The following PPP6R2 variants were observed in gnomAD, a reference collection of about 807,000 sequenced individuals.
PPP6R2 encodes the protein protein phosphatase 6 regulatory subunit 2, also known as serine/threonine-protein phosphatase 6 regulatory subunit 2.
Under a neutral mutation model 100.2 loss-of-function variants are expected in PPP6R2, and 62 were observed. The ratio of observed to expected loss-of-function variants is 0.62; its 90% CI spans 0.50 to 0.76. The LOEUF (loss-of-function observed/expected upper bound fraction) is 0.76, where lower values mean the gene tolerates loss of function less well. PPP6R2 is among the 30% of genes least tolerant of loss of function. The probability of loss-of-function intolerance (pLI) is 0.00; values close to 1 mark genes in which losing one functional copy is unlikely to be tolerated. For missense variants in PPP6R2, 1,142 were observed against 1,276.3 expected, an observed-to-expected ratio of 0.89 and a Z score of 1.60; for synonymous variants, 525 against 514.7, an observed-to-expected ratio of 1.02 and a Z score of -0.27.
chr22:50,424,331 G>C (rs1306198127), intron 10 of PPP6R2, among the ~76,000 whole-genome samples: 1 of 132,342 alleles, frequency 7.6e-6, no homozygotes, highest in Non-Finnish European at 1.6e-5. Context: ...CTGTCAGCGT[G>C]TGGAAGGTCT....
rs369827443 is a variant in PPP6R2, at chr22:50,426,609, C to G, written c.1125+2995C>G. On this transcript the variant is annotated intron_variant, in intron 10 of 23. Transcript: ENST00000612753. ...CAGTATTTTGGGAGGCCAAGGCAGG[C>G]AGATCACCTGAGGTCAGGAGTTTGT... is the stretch of plus-strand genomic sequence containing the variant. Among the ~76,000 whole-genome samples, 48 of 152,204 alleles carry G rather than the reference C, an allele frequency of 3.2e-4. No homozygotes were observed. In the East Asian group the frequency reaches 6.2e-3, roughly 20 times the overall value.
At chr22:50,393,145 T>C (rs1270171306) in intron 2 of PPP6R2, among the ~76,000 whole-genome samples, 1 of 152,122 alleles carries the variant, frequency 6.6e-6, no homozygotes, top group Non-Finnish European at 1.5e-5. Context: ...AGAGCTGGGA[T>C]GTTTGGGAAG....
chr22:50,437,753 C>T (rs1358736102), intron 16 of PPP6R2, 90 bp from the exon 17 acceptor site: 5 of 1,463,906 alleles, frequency 3.4e-6, no homozygotes, highest in Non-Finnish European at 4.7e-6. Context: ...GGTGCTGAGG[C>T]CCCCGATGAG....
chr22:50,436,246 C>A, intron 13 of PPP6R2, 121 bp from the exon 14 acceptor site: 1 of 830,770 alleles, frequency 1.2e-6, no homozygotes, highest in Non-Finnish European at 1.9e-6. Flanking sequence ...CTCAGACGGG[C>A]TGACCACAGT....
chr22:50,444,808 G>A lies in PPP6R2; in HGVS notation c.*561G>A, dbSNP rs569760904. 6.4e-6 allele frequency: 1 copy of A among 155,780 alleles called. No homozygotes were observed. Among genetic ancestry groups the A allele is most frequent in the Non-Finnish European group, 1.4e-5 (1 of 70,508 alleles). 9.6% of individuals were successfully genotyped at this position (155,780 alleles called of 1,614,324 possible). A position where few individuals can be genotyped will look rare whatever the true frequency, so the allele number is the denominator to read the frequency against. ...GAGCTGGCACTGAACCAGGCTGCAA[G>A]ATTTGACTGCCTTAAAAACACAAGG... On this transcript the variant is annotated 3_prime_UTR_variant, in exon 24 of 24. Transcript: ENST00000612753.
At chr22:50,365,299 G>A (rs2048536366) in intron 1 of PPP6R2, among the ~76,000 whole-genome samples, 1 of 151,982 alleles carries the variant, frequency 6.6e-6, no homozygotes, top group African/African-American at 2.4e-5. Context: ...TTGAACTCCC[G>A]ACCTCAGGCG....
At chr22:50,411,937 C>A (rs528509607) in intron 4 of PPP6R2, among the ~76,000 whole-genome samples, 1 of 150,458 alleles carries the variant, frequency 6.6e-6, no homozygotes, top group Admixed American at 6.6e-5. Flanking sequence ...CCCAGCTACT[C>A]GGGAGCCTGA....
chr22:50,396,642 C>T (rs139060797), intron 3 of PPP6R2, among the ~76,000 whole-genome samples: 31 of 152,332 alleles, frequency 2.0e-4, no homozygotes, highest in East Asian at 1.9e-3. Context: ...CCAGCAGGGG[C>T]CACGGCAAAT....
intron 6 of PPP6R2, among the ~76,000 whole-genome samples, chr22:50,418,392 C>CT (rs140685653): frequency 0.013 from 1,922 of 146,372 alleles, 32 homozygotes; most frequent in East Asian, 0.057. Context: ...ACATCTTTTT[C>CT]TTTTTTTTTT....
At chr22:50,360,157 A>G (rs571838906) in intron 1 of PPP6R2, among the ~76,000 whole-genome samples, 9 of 151,046 alleles carry the variant, frequency 6.0e-5, no homozygotes, top group African/African-American at 2.2e-4. Context: ...GGTTCAAGCG[A>G]TTCTCCTGCC....
At chr22:50,398,335 C>T (rs1603204457) in intron 3 of PPP6R2, among the ~76,000 whole-genome samples, 1 of 151,452 alleles carries the variant, frequency 6.6e-6, no homozygotes, top group South Asian at 2.1e-4. Context: ...CCACACCCAG[C>T]TAATTTTTTG....
In PPP6R2 at chr22:50,373,240, C is replaced by CTTT. The variant is rs530254249; in HGVS notation, c.-17+1107_-17+1109dup. 3.2e-4 allele frequency among the ~76,000 whole-genome samples: 40 copies of CTTT among 126,430 alleles called. No homozygotes were observed. The South Asian group carries it at 3.4e-3, about 11-fold the overall frequency. The allele number at this position is 126,430 out of a possible 152,430, so 82.9% of individuals were successfully genotyped here. A position where few individuals can be genotyped will look rare whatever the true frequency, so the allele number is the denominator to read the frequency against. On this transcript the variant is annotated intron_variant, in intron 2 of 23. Transcript: ENST00000612753. Reference sequence around the variant, plus strand: ...AAATTAGAATAAATATAATTTCTTTCTTTTTTTTTTTTTTTTTTTGAGACA... The same window carrying CTTT: ...AAATTAGAATAAATATAATTTCTTTCTTTTTTTTTTTTTTTTTTTTTTGAGACA...
intron 1 of PPP6R2, among the ~76,000 whole-genome samples, chr22:50,347,739 GTCTTGT>G (rs892847527): frequency 5.9e-5 from 9 of 152,056 alleles, no homozygotes; most frequent in African/African-American, 2.2e-4. Context: ...CTTCTCCTGT[GTCTTGT>G]TCTTTCATCC....
intron 1 of PPP6R2, among the ~76,000 whole-genome samples, chr22:50,346,713 G>A (rs959581648): frequency 4.9e-5 from 7 of 143,004 alleles, no homozygotes; most frequent in African/African-American, 1.6e-4. Flanking sequence ...GTCAGTCCGC[G>A]CACTGGTCAG....
chr22:50,442,486 C>G (rs1190047420), intron 22 of PPP6R2, among the ~76,000 whole-genome samples: 4 of 152,240 alleles, frequency 2.6e-5, no homozygotes, highest in Admixed American at 1.3e-4. Flanking sequence ...CAGAGCCCCT[C>G]GGGTTGAAAG....
At chr22:50,349,199 A>G (rs1022263348) in intron 1 of PPP6R2, among the ~76,000 whole-genome samples, 2 of 140,388 alleles carry the variant, frequency 1.4e-5, no homozygotes, top group African/African-American at 2.5e-5. Flanking sequence ...TCCTCTCAAA[A>G]AAAAAAAAAA....
intron 2 of PPP6R2, among the ~76,000 whole-genome samples, chr22:50,378,799 G>A (rs1228761890): frequency 4.0e-5 from 6 of 150,956 alleles, no homozygotes; most frequent in Admixed American, 1.3e-4. Context: ...AGGATCACTC[G>A]AGCCCAGGAG....
At chr22:50,441,502 G>GCCACCTCA (rs1383387765) in intron 22 of PPP6R2, among the ~76,000 whole-genome samples, 1 of 152,086 alleles carries the variant, frequency 6.6e-6, no homozygotes, top group Non-Finnish European at 1.5e-5. Context: ...CGCAGACCTC[G>GCCACCTCA]CCTGCTGCTC....
chr22:50,389,264 C>G (rs551242604), intron 2 of PPP6R2, among the ~76,000 whole-genome samples: 27 of 152,268 alleles, frequency 1.8e-4, no homozygotes, highest in African/African-American at 6.5e-4. Flanking sequence ...GCCATGACCA[C>G]TTGTTTGTTC....
Sources: allele counts gnomAD v4.1 joint callset (sites outside exome capture counted in the v4.1 genomes callset), GRCh38; gene constraint gnomAD v4.1.1; transcripts MANE v1.5; gene names NCBI Gene and HGNC (gene_info 2026-07-23, HGNC 2026-07-21).